The following PDZRN4 variants were observed in gnomAD, a reference collection of about 807,000 sequenced individuals.
PDZRN4 encodes the protein PDZ domain containing ring finger 4.
In PDZRN4, 70 loss-of-function variants were observed where a neutral mutation model predicts 99.0. That is an observed-to-expected ratio of 0.71 (90% CI 0.58 to 0.86). The LOEUF (loss-of-function observed/expected upper bound fraction) is 0.86. PDZRN4 is among the 40% of genes least tolerant of loss of function. The probability of loss-of-function intolerance (pLI) is 0.00; values close to 1 mark genes in which losing one functional copy is unlikely to be tolerated. For synonymous variants in PDZRN4, 551 were observed against 501.6 expected (o/e 1.10, Z -1.32); for missense variants, 1,474 against 1,331.2 (o/e 1.11, Z -1.67).
At chr12:41,340,560 T>C (rs1951808751) in intron 3 of PDZRN4, among the ~76,000 whole-genome samples, 1 of 151,906 alleles carries the variant, frequency 6.6e-6, no homozygotes, top group Admixed American at 6.6e-5. Context: ...TAATTTACTG[T>C]ATATTTTTAA....
At chr12:41,206,559 A>G (rs1407295820) in intron 3 of PDZRN4, among the ~76,000 whole-genome samples, 1 of 147,924 alleles carries the variant, frequency 6.8e-6, no homozygotes, top group African/African-American at 2.6e-5. Context: ...TAAATTAATA[A>G]TTTATTAAGG....
chr12:41,264,782 A>C (rs1398002179), intron 3 of PDZRN4, among the ~76,000 whole-genome samples: 1 of 152,204 alleles, frequency 6.6e-6, no homozygotes, highest in Non-Finnish European at 1.5e-5. Flanking sequence ...CCTTTTTCAG[A>C]ATGAAATCAT....
At chr12:41,275,730 T>A (rs534263998) in intron 3 of PDZRN4, among the ~76,000 whole-genome samples, 12 of 152,266 alleles carry the variant, frequency 7.9e-5, no homozygotes, top group South Asian at 6.2e-4. Context: ...GTAAAGGAGA[T>A]AGGATTCAAA....
intron 3 of PDZRN4, among the ~76,000 whole-genome samples, chr12:41,464,780 A>C (rs974266746): frequency 2.1e-5 from 3 of 145,522 alleles, no homozygotes; most frequent in African/African-American, 7.7e-5. Context: ...GTTAAATTTC[A>C]TTGTTAAATG....
intron 3 of PDZRN4, among the ~76,000 whole-genome samples, chr12:41,267,949 C>T (rs1951289833): frequency 6.6e-6 from 1 of 152,202 alleles, no homozygotes; most frequent in Non-Finnish European, 1.5e-5. Flanking sequence ...GCACCTGTTA[C>T]TAAGGCTGCC....
chr12:41,406,021 A>C (rs1033957019), intron 3 of PDZRN4, among the ~76,000 whole-genome samples: 10 of 152,166 alleles, frequency 6.6e-5, no homozygotes, highest in African/African-American at 2.4e-4. Context: ...CCTGGGTGTA[A>C]TATACTCATG....
rs537721607 is a variant in PDZRN4, at chr12:41,505,405, C to T, written c.844-1051C>T. Among the ~76,000 whole-genome samples, 82 of 152,180 alleles carry T rather than the reference C, an allele frequency of 5.4e-4. 1 individual carries two copies. The highest frequency in any genetic ancestry group is 1.0e-3 in the Non-Finnish European group (70 of 68,004). On this transcript the variant is annotated intron_variant, in intron 3 of 9. Transcript: ENST00000402685. ...TAAAGCTCTTTCAGGATTCTAGAGT[C>T]CTTTATTAAAACACAACTTCCGCTA...
chr12:41,513,532 T>C (rs1395911615), intron 5 of PDZRN4, among the ~76,000 whole-genome samples: 1 of 152,074 alleles, frequency 6.6e-6, no homozygotes, highest in Admixed American at 6.6e-5. Flanking sequence ...AATAAACATA[T>C]ACAAATTTAA....
intron 3 of PDZRN4, among the ~76,000 whole-genome samples, chr12:41,468,162 A>G (rs1169539115): frequency 6.6e-6 from 1 of 152,224 alleles, no homozygotes; most frequent in Non-Finnish European, 1.5e-5. Flanking sequence ...GGCTGCGCAT[A>G]GGGAAGAAAG....
intron 3 of PDZRN4, among the ~76,000 whole-genome samples, chr12:41,318,932 G>A (rs551390455): frequency 1.3e-5 from 2 of 152,224 alleles, no homozygotes; most frequent in Admixed American, 6.5e-5. Flanking sequence ...TAGAAGGAAA[G>A]ATCATGTAAA....
At chr12:41,260,106 A>G (rs551528889) in intron 3 of PDZRN4, among the ~76,000 whole-genome samples, 1 of 152,310 alleles carries the variant, frequency 6.6e-6, no homozygotes, top group East Asian at 1.9e-4. Context: ...AAAATACTGA[A>G]AGCAATTAAA....
intron 3 of PDZRN4, among the ~76,000 whole-genome samples, chr12:41,264,279 G>A (rs879331779): frequency 1.3e-5 from 2 of 152,114 alleles, no homozygotes; most frequent in Non-Finnish European, 2.9e-5. Flanking sequence ...TTCAACCTGA[G>A]TGTATACAAT....
At chr12:41,223,790 TG>T (rs1264398110) in intron 3 of PDZRN4, among the ~76,000 whole-genome samples, 67 of 152,256 alleles carry the variant, frequency 4.4e-4, no homozygotes, top group African/African-American at 1.6e-3. Context: ...GATGGCCAGG[TG>T]GGTGCAGCAC....
chr12:41,373,098 G>A (rs947299920), intron 3 of PDZRN4, among the ~76,000 whole-genome samples: 4 of 152,140 alleles, frequency 2.6e-5, no homozygotes, highest in South Asian at 2.1e-4. Context: ...TTCAAAAGGT[G>A]AGGGAGTGTA....
At chr12:41,495,860 C>A (rs1472675163) in intron 3 of PDZRN4, among the ~76,000 whole-genome samples, 2 of 152,004 alleles carry the variant, frequency 1.3e-5, no homozygotes, top group Non-Finnish European at 2.9e-5. Context: ...CCCATCTGTG[C>A]AGTTTATAAA....
intron 2 of PDZRN4, among the ~76,000 whole-genome samples, chr12:41,192,257 C>T (rs995435942): frequency 1.3e-5 from 2 of 152,158 alleles, no homozygotes; most frequent in Non-Finnish European, 2.9e-5. Flanking sequence ...GCGTGTGCCA[C>T]CACGCCCAGC....
chr12:41,342,309 G>A (rs1951824238), intron 3 of PDZRN4, among the ~76,000 whole-genome samples: 1 of 151,720 alleles, frequency 6.6e-6, no homozygotes, highest in African/African-American at 2.4e-5. Context: ...TTTAAAATAA[G>A]GCCCCAGAAG....
chr12:41,499,546 G>T (rs1938073987), intron 3 of PDZRN4, among the ~76,000 whole-genome samples: 1 of 151,822 alleles, frequency 6.6e-6, no homozygotes, highest in South Asian at 2.1e-4. Flanking sequence ...GTGTGACAGT[G>T]GGAACAAGGA....
intron 5 of PDZRN4, among the ~76,000 whole-genome samples, chr12:41,550,005 C>T (rs1269859278): frequency 6.6e-6 from 1 of 152,136 alleles, no homozygotes; most frequent in Non-Finnish European, 1.5e-5. Context: ...GTTACTTTGA[C>T]CTGAGGACCT....
Sources: gnomAD v4.1 joint callset for allele counts (sites outside exome capture counted in the v4.1 genomes callset) on GRCh38, gnomAD v4.1.1 for gene constraint, MANE v1.5 for transcripts, NCBI Gene and HGNC (gene_info 2026-07-23, HGNC 2026-07-21) for gene names.